Variants in ADAM32 observed in about 807,000 individuals in gnomAD.
The protein encoded by ADAM32 is ADAM metallopeptidase domain 32.
A neutral mutation model predicts 114.9 loss-of-function variants in ADAM32; 89 were observed. That is an observed-to-expected ratio of 0.77 (90% CI 0.65 to 0.92). ADAM32 has a LOEUF of 0.92. Among genes scored for constraint, ADAM32 ranks in the 40% least tolerant of loss-of-function variants. ADAM32 has a pLI of 0.00. For missense variants in ADAM32, 870 were observed against 932.8 expected (o/e 0.93, Z 0.88); for synonymous variants, 285 against 307.5 (o/e 0.93, Z 0.77).
At chr8:39,202,712 A>G (rs1807512847) in intron 11 of ADAM32, among the ~76,000 whole-genome samples, 1 of 151,792 alleles carries the variant, frequency 6.6e-6, no homozygotes, top group Non-Finnish European at 1.5e-5. Context: ...TAGTTCTTTT[A>G]ATTGTGATGT....
intron 22 of ADAM32, among the ~76,000 whole-genome samples, chr8:39,277,583 G>A (rs1045491581): frequency 3.9e-5 from 6 of 152,200 alleles, no homozygotes; most frequent in Non-Finnish European, 7.3e-5. Context: ...GAGGGAACGC[G>A]TGGGTGAACG....
At chr8:39,159,339 T>C (rs1211094621) in intron 6 of ADAM32, among the ~76,000 whole-genome samples, 1 of 152,240 alleles carries the variant, frequency 6.6e-6, no homozygotes, top group Admixed American at 6.5e-5. Context: ...ACAGATTGAC[T>C]CTGGGTTTGG....
chr8:39,120,296 T>A (rs1420317304), intron 2 of ADAM32, among the ~76,000 whole-genome samples: 7 of 152,156 alleles, frequency 4.6e-5, no homozygotes, highest in Non-Finnish European at 1.0e-4. Flanking sequence ...GTGAAGTACA[T>A]GCTAAGAAGA....
At chr8:39,253,360 A>G (rs976433945) in intron 17 of ADAM32, among the ~76,000 whole-genome samples, 1 of 151,736 alleles carries the variant, frequency 6.6e-6, no homozygotes, top group Non-Finnish European at 1.5e-5. Context: ...TTTAAGATCT[A>G]TAACAATGCA....
chr8:39,282,115 C>T (rs879609418), intron 23 of ADAM32, among the ~76,000 whole-genome samples: 4 of 152,140 alleles, frequency 2.6e-5, no homozygotes, highest in Admixed American at 6.5e-5. Context: ...CTCCACTCTC[C>T]GTCACTGTCA....
chr8:39,278,120 C>T (rs1472648306), intron 22 of ADAM32, among the ~76,000 whole-genome samples: 1 of 152,192 alleles, frequency 6.6e-6, no homozygotes, highest in South Asian at 2.1e-4. Context: ...ATCTTCCCCT[C>T]AAGTCCAGCC....
intron 11 of ADAM32, among the ~76,000 whole-genome samples, chr8:39,190,863 C>T (rs1480826374): frequency 6.6e-6 from 1 of 152,036 alleles, no homozygotes; most frequent in Non-Finnish European, 1.5e-5. Flanking sequence ...ATTTTGCCAC[C>T]CATGTACTAA....
At chr8:39,277,777 C>T (rs536932930) in intron 22 of ADAM32, among the ~76,000 whole-genome samples, 1 of 152,366 alleles carries the variant, frequency 6.6e-6, no homozygotes, top group South Asian at 2.1e-4. Flanking sequence ...GAACTCTGTG[C>T]AGGCCCTGCA....
chr8:39,133,457 T>C (rs12548879), intron 2 of ADAM32, among the ~76,000 whole-genome samples: 78,535 of 152,242 alleles, frequency 0.52, 21,356 homozygotes, highest in Non-Finnish European at 0.6. Flanking sequence ...GAGGCTTTAC[T>C]GGGGATGGGG....
At chr8:39,118,441 A>G (rs769728033) in intron 2 of ADAM32, among the ~76,000 whole-genome samples, 1 of 152,164 alleles carries the variant, frequency 6.6e-6, no homozygotes, top group Non-Finnish European at 1.5e-5. Context: ...GATATCTAGG[A>G]CATCAGCACA....
At chr8:39,278,844 G>C (rs1564744144) in intron 22 of ADAM32, among the ~76,000 whole-genome samples, 1 of 152,042 alleles carries the variant, frequency 6.6e-6, no homozygotes, top group Non-Finnish European at 1.5e-5. Flanking sequence ...TTAAATGCCT[G>C]AACATGCTTT....
At chr8:39,214,898 C>A (rs962250939) in intron 12 of ADAM32, among the ~76,000 whole-genome samples, 3 of 151,922 alleles carry the variant, frequency 2.0e-5, no homozygotes, top group African/African-American at 7.2e-5. Flanking sequence ...GTTTCATTGT[C>A]ATGCATGTGG....
chr8:39,185,820 G>A (rs1003792479), intron 10 of ADAM32, among the ~76,000 whole-genome samples: 4 of 151,846 alleles, frequency 2.6e-5, no homozygotes, highest in South Asian at 2.1e-4. Context: ...ATTAATTCTT[G>A]ATTTGGACCT....
Position 39,149,857 on chromosome 8 carries a change from T to C in ADAM32, c.343T>C (p.Ser115Pro). 2 of 1,610,340 alleles carry C rather than the reference T, an allele frequency of 1.2e-6. No individual in the cohort carries two copies. Among genetic ancestry groups the C allele is most frequent in the African/African-American group, 1.3e-5 (1 of 74,950 alleles). ...TTCCATGGTCACACTCAGCACGTGC[T>C]CTGGACTAAGGTTGTTTTCTGTTGT... Reference protein sequence around the residue: ...PDSMVTLSTCSGLRGILQFEN... With the variant: ...PDSMVTLSTCPGLRGILQFEN... The change falls in exon 5 of 25, where the codon TCT becomes CCT. Residue 115 changes from serine (S) to proline (P), a missense_variant. Transcript: ENST00000379907.
At chr8:39,274,597 G>A (rs1309580801) in intron 21 of ADAM32, among the ~76,000 whole-genome samples, 1 of 152,150 alleles carries the variant, frequency 6.6e-6, no homozygotes, top group Non-Finnish European at 1.5e-5. Context: ...AAATGAGATA[G>A]GACATGTATA....
chr8:39,283,457 G>T, intron 23 of ADAM32, 129 bp from the exon 24 acceptor site: 2 of 560,898 alleles, frequency 3.6e-6, no homozygotes, highest in Admixed American at 4.2e-5. Flanking sequence ...GTAGAAATTT[G>T]GCAAATATTT....
chr8:39,284,646 C>T, intron 24 of ADAM32, 147 bp from the exon 25 acceptor site: 1 of 789,694 alleles, frequency 1.3e-6, no homozygotes, highest in Non-Finnish European at 2.0e-6. Context: ...TAAATAATTT[C>T]ACAGGCAAAA....
At chr8:39,156,244 C>T (rs948300291) in intron 6 of ADAM32, among the ~76,000 whole-genome samples, 2 of 152,030 alleles carry the variant, frequency 1.3e-5, no homozygotes, top group African/African-American at 4.8e-5. Flanking sequence ...ACCTCCTAAG[C>T]ACAGGTGATC....
At chr8:39,218,757 A>G (rs1446369437) in intron 12 of ADAM32, among the ~76,000 whole-genome samples, 1 of 152,048 alleles carries the variant, frequency 6.6e-6, no homozygotes, top group East Asian at 1.9e-4. Flanking sequence ...CTCACTCTTC[A>G]GGGCAGTGGG....
Sources: gnomAD v4.1 joint callset for allele counts (sites outside exome capture counted in the v4.1 genomes callset) on GRCh38, gnomAD v4.1.1 for gene constraint, MANE v1.5 for transcripts, NCBI Gene and HGNC (gene_info 2026-07-23, HGNC 2026-07-21) for gene names.